Variants in AJAP1 observed in about 807,000 individuals in gnomAD.
AJAP1 encodes the protein adherens junction-associated protein 1.
Under a neutral mutation model 35.0 loss-of-function variants are expected in AJAP1, and 5 were observed. That is an observed-to-expected ratio of 0.14 (90% CI 0.07 to 0.30). The LOEUF (loss-of-function observed/expected upper bound fraction) is 0.30, where lower values mean the gene tolerates loss of function less well. Among genes scored for constraint, AJAP1 ranks in the 10% least tolerant of loss-of-function variants. AJAP1 has a pLI of 1.00. For missense variants in AJAP1, 586 were observed against 571.0 expected, an observed-to-expected ratio of 1.03 and a Z score of -0.27; for synonymous variants, 284 against 249.3, an observed-to-expected ratio of 1.14 and a Z score of -1.31.
intron 2 of AJAP1, among the ~76,000 whole-genome samples, chr1:4,765,265 G>A (rs1473914386): frequency 6.6e-6 from 1 of 152,194 alleles, no homozygotes; most frequent in East Asian, 1.9e-4. Context: ...AAGTTTGCTT[G>A]TTTGTTCCTT....
At position 4,787,032 on chromosome 1, in the gene AJAP1, G is replaced by A. The variant is rs1642169746; in HGVS notation, c.*4547G>A. On this transcript the variant is annotated 3_prime_UTR_variant, in exon 6 of 6. Transcript: ENST00000378191. ...GATTTCTTGAACCATTCTTGCTTCA[G>A]CATGTGAATTCTTTAAGACACTACT... 1.3e-5 allele frequency: 2 copies of A among 152,264 alleles called. No individual in the cohort carries two copies. 9.4% of individuals were successfully genotyped at this position (152,264 alleles called of 1,614,324 possible).
chr1:4,750,507 T>C (rs943897483), intron 2 of AJAP1, among the ~76,000 whole-genome samples: 5 of 152,094 alleles, frequency 3.3e-5, no homozygotes, highest in Non-Finnish European at 7.4e-5. Flanking sequence ...GACAGAGCAG[T>C]GCCCTCTGCC....
intron 1 of AJAP1, among the ~76,000 whole-genome samples, chr1:4,705,069 A>G (rs1167170931): frequency 6.6e-6 from 1 of 152,122 alleles, no homozygotes; most frequent in African/African-American, 2.4e-5. Flanking sequence ...CCTTTGTCAG[A>G]TAAGTAGGTT....
chr1:4,663,578 G>A (rs914810775), intron 1 of AJAP1, among the ~76,000 whole-genome samples: 7 of 152,202 alleles, frequency 4.6e-5, no homozygotes, highest in Non-Finnish European at 1.0e-4. Context: ...CTGCAGGTGG[G>A]AGGAGGGTGG....
At chr1:4,703,640 G>T (rs1285944696) in intron 1 of AJAP1, among the ~76,000 whole-genome samples, 1 of 152,122 alleles carries the variant, frequency 6.6e-6, no homozygotes, top group Non-Finnish European at 1.5e-5. Context: ...TCTTATCAGC[G>T]AGCGGGAGGT....
chr1:4,681,658 G>A (rs1413795207), intron 1 of AJAP1, among the ~76,000 whole-genome samples: 1 of 152,192 alleles, frequency 6.6e-6, no homozygotes, highest in African/African-American at 2.4e-5. Flanking sequence ...TTCCGACCAA[G>A]CCTCACTCCC....
At chr1:4,735,354 T>C (rs446529) in intron 2 of AJAP1, among the ~76,000 whole-genome samples, 94,281 of 152,028 alleles carry the variant, frequency 0.62, 30,166 homozygotes, top group Non-Finnish European at 0.66. Flanking sequence ...GAGGGTGCGA[T>C]GTGCATCAGT....
At chr1:4,714,349 C>T (rs1194159921) in intron 2 of AJAP1, among the ~76,000 whole-genome samples, 1 of 152,208 alleles carries the variant, frequency 6.6e-6, no homozygotes, top group Non-Finnish European at 1.5e-5. Context: ...TGTCAGGCGC[C>T]TGCTAGCAGT....
intron 2 of AJAP1, among the ~76,000 whole-genome samples, chr1:4,754,919 C>G (rs1303220551): frequency 6.6e-6 from 1 of 152,204 alleles, no homozygotes; most frequent in Non-Finnish European, 1.5e-5. Context: ...CTGGGCCTTT[C>G]ATGTCCTGAC....
chr1:4,755,844 G>A (rs1164855590), intron 2 of AJAP1, among the ~76,000 whole-genome samples: 1 of 151,992 alleles, frequency 6.6e-6, no homozygotes, highest in East Asian at 1.9e-4. Flanking sequence ...ACGACTAGGA[G>A]GAAACACTGG....
chr1:4,776,769 A>G (rs985021911), intron 5 of AJAP1, among the ~76,000 whole-genome samples: 2 of 152,070 alleles, frequency 1.3e-5, no homozygotes, highest in Admixed American at 6.5e-5. Flanking sequence ...CCACTTCCCA[A>G]CTGTGCCTGA....
intron 1 of AJAP1, among the ~76,000 whole-genome samples, chr1:4,671,519 A>G (rs1176936386): frequency 6.6e-6 from 1 of 152,036 alleles, no homozygotes; most frequent in Non-Finnish European, 1.5e-5. Flanking sequence ...GTATGGAGCC[A>G]CAGGCCCCAG....
At chr1:4,672,013 G>A (rs1292055488) in intron 1 of AJAP1, among the ~76,000 whole-genome samples, 4 of 152,186 alleles carry the variant, frequency 2.6e-5, no homozygotes, top group East Asian at 1.9e-4. Flanking sequence ...ATCCCGGGGC[G>A]CCTATCAGCC....
intron 2 of AJAP1, among the ~76,000 whole-genome samples, chr1:4,766,703 CT>C (rs1230592448): frequency 6.6e-6 from 1 of 152,196 alleles, no homozygotes; most frequent in Non-Finnish European, 1.5e-5. Flanking sequence ...GTTTGGTAAA[CT>C]GTTGATCTTG....
intron 2 of AJAP1, among the ~76,000 whole-genome samples, chr1:4,737,637 T>C (rs777963879): frequency 6.6e-6 from 1 of 152,212 alleles, no homozygotes; most frequent in Non-Finnish European, 1.5e-5. Context: ...TTCACAGTTA[T>C]AATCCCAGCA....
In AJAP1 at chr1:4,782,240, G is replaced by C. The variant is rs1396549353; in HGVS notation, c.*60-305G>C. On this transcript the variant is annotated intron_variant, in intron 5 of 5. Coordinates refer to ENST00000378191, the MANE Select transcript of AJAP1 (RefSeq NM_018836.4). The surrounding 1 kb of genome is among the most constrained non-coding windows in gnomAD (Gnocchi z 5.3). ...CACCCCCACCATGAGTTAGCGGAGGGGGTGGTCCCAGCCCCTGGTAGCAAG... is the reference window on the plus strand; with the variant it reads ...CACCCCCACCATGAGTTAGCGGAGGCGGTGGTCCCAGCCCCTGGTAGCAAG... Among the ~76,000 whole-genome samples the C allele has an allele frequency of 6.6e-6, 1 of 152,124 alleles. No individual in the cohort carries two copies. Among genetic ancestry groups the C allele is most frequent in the Non-Finnish European group, 1.5e-5 (1 of 68,020 alleles).
chr1:4,705,259 C>T lies in AJAP1; in HGVS notation c.30-6641C>T, dbSNP rs371549406. Among the ~76,000 whole-genome samples the T allele has an allele frequency of 6.6e-4, 100 of 151,922 alleles. 1 individual carries two copies. Among genetic ancestry groups the T allele is most frequent in the African/African-American group, 2.2e-3 (93 of 41,384 alleles). On this transcript the variant is annotated intron_variant, in intron 1 of 5. Transcript: ENST00000378191. ...ATTCAAGATGGATTAAAGACTTAAA[C>T]GTTAGACCTAAAACCGTAAAAACCC...
intron 2 of AJAP1, among the ~76,000 whole-genome samples, chr1:4,725,990 T>C (rs751029849): frequency 1.3e-4 from 20 of 152,316 alleles, no homozygotes; most frequent in Admixed American, 7.2e-4. Context: ...AGGACATAGC[T>C]CAACCCATAA....
At chr1:4,761,837 C>T (rs1028109304) in intron 2 of AJAP1, among the ~76,000 whole-genome samples, 1 of 152,140 alleles carries the variant, frequency 6.6e-6, no homozygotes, top group Non-Finnish European at 1.5e-5. Context: ...ATTCTTCTGC[C>T]TGCTTTTATT....
Sources: allele counts gnomAD v4.1 joint callset (sites outside exome capture counted in the v4.1 genomes callset), GRCh38; gene constraint gnomAD v4.1.1; non-coding constraint Gnocchi (gnomAD v3.1); transcripts MANE v1.5; gene names NCBI Gene and HGNC (gene_info 2026-07-23, HGNC 2026-07-21).